PRR19: variants seen among roughly 807,000 people sequenced by gnomAD.
The protein encoded by PRR19 is proline-rich protein 19.
PRR19 carries 9 observed loss-of-function variants against 19.2 expected under a neutral mutation model. The ratio of observed to expected loss-of-function variants is 0.47; its 90% confidence interval spans 0.28 to 0.82. PRR19 has a LOEUF of 0.82. Ranked by LOEUF, PRR19 falls within the 40% of genes least tolerant of loss-of-function variation. PRR19 has a pLI of 0.11. For synonymous variants in PRR19, 190 were observed against 191.0 expected (o/e 0.99, Z 0.04); for missense variants, 457 against 466.0 (o/e 0.98, Z 0.18).
At chr19:42,308,549 C>G (rs2038742881) in intron 1 of PRR19, among the ~76,000 whole-genome samples, 1 of 151,948 alleles carries the variant, frequency 6.6e-6, no homozygotes, top group Non-Finnish European at 1.5e-5. Flanking sequence ...CAGGCGCGCA[C>G]CATCACATAC....
chr19:42,310,386 C>T lies in PRR19; in HGVS notation c.717C>T (p.Phe239=), dbSNP rs2038778007. The T allele has an allele frequency of 1.1e-5, 18 of 1,614,172 alleles. No individual in the cohort carries two copies. Among genetic ancestry groups the T allele is most frequent in the Middle Eastern group, 1.6e-4 (1 of 6,062 alleles). Reference sequence around the variant, plus strand: ...AACAAGGGACAAAGGAGTTCACCTTCCCCATGCCCTACACCTCCAGCATGC... The same window carrying T: ...AACAAGGGACAAAGGAGTTCACCTTTCCCATGCCCTACACCTCCAGCATGC... ...RKQQGTKEFT[F]PMPYTSSMPT... Residue 239 remains phenylalanine, a synonymous_variant, in exon 3 of 3, where the codon TTC becomes TTT. Coordinates refer to ENST00000341747, the MANE Select transcript of PRR19 (RefSeq NM_199285.3).
At chr19:42,303,338 C>T (rs756859046) in intron 1 of PRR19, 1 of 152,174 alleles carries the variant, frequency 6.6e-6, no homozygotes, top group Non-Finnish European at 1.5e-5. Context: ...TCTTGCAGAT[C>T]TGCAGCCTCT....
chr19:42,310,026 C>T lies in PRR19; in HGVS notation c.442C>T (p.Leu148=). The change falls in exon 2 of 3, where the codon CTG becomes TTG. Residue 148 remains leucine (L), a synonymous_variant. Transcript: ENST00000341747. ...AGAGTTGTCTGGCGTGGGGCAGCTG[C>T]TGGCAGAGCTGCAGTGTCAGCTGAG... is the stretch of plus-strand genomic sequence containing the variant. ...SPELSGVGQL[L]AELQCQLSLP... 6.2e-7 allele frequency: 1 copy of T among 1,614,056 alleles called. No homozygotes were observed.
At chr19:42,308,364 C>G (rs10403591) in intron 1 of PRR19, among the ~76,000 whole-genome samples, 4 of 148,268 alleles carry the variant, frequency 2.7e-5, no homozygotes, top group African/African-American at 1.0e-4. Flanking sequence ...GCAGCTGGGA[C>G]TACAGGTGTG....
rs563857838 is a variant in PRR19 at position 42,304,625 on chromosome 19, C to T, written c.-7+2122C>T. Among the ~76,000 whole-genome samples, 16 of 151,866 alleles carry T rather than the reference C, an allele frequency of 1.1e-4. No homozygotes were observed. In the East Asian group the frequency reaches 3.1e-3, roughly 30 times the overall value. On this transcript the variant is annotated intron_variant, in intron 1 of 2. Transcript: ENST00000341747. ...ATTAGCGGGGCGTGGTGGCAGGCGCCTGTTGTCCCAGCTACTTGGGAGGCT... is the reference window on the plus strand; with the variant it reads ...ATTAGCGGGGCGTGGTGGCAGGCGCTTGTTGTCCCAGCTACTTGGGAGGCT...
chr19:42,307,466 CGTT>C (rs2038722859), intron 1 of PRR19, among the ~76,000 whole-genome samples: 1 of 151,816 alleles, frequency 6.6e-6, no homozygotes, highest in Non-Finnish European at 1.5e-5. Flanking sequence ...GACAGAGTCT[CGTT>C]GTGTCCCCCA....
At position 42,307,358 on chromosome 19, in the gene PRR19, G is replaced by A. The variant is rs370925422; in HGVS notation, c.-6-2221G>A. On this transcript the variant is annotated intron_variant, in intron 1 of 2. Coordinates refer to ENST00000341747, the MANE Select transcript of PRR19 (RefSeq NM_199285.3). The stretch of plus-strand genomic sequence containing the variant: ...ACCTCGTCTACCCCTGGATTTCTCC[G>A]TCCAGAATCACTTTCTGGTCCCCCA... Among the ~76,000 whole-genome samples, 3 of 151,866 alleles carry A rather than the reference G, an allele frequency of 2.0e-5. No individual in the cohort carries two copies. In the East Asian group the frequency reaches 5.8e-4, roughly 29 times the overall value.
chr19:42,302,191 G>T lies in PRR19; in HGVS notation c.-319G>T. On this transcript the variant is annotated 5_prime_UTR_variant, in exon 1 of 3. Transcript: ENST00000341747. ...CAGCCGTTCTCCTGAGCCACCCCCCGCGCCCCCGGACTCCTCAATATCCCA... is the reference window on the plus strand; with the variant it reads ...CAGCCGTTCTCCTGAGCCACCCCCCTCGCCCCCGGACTCCTCAATATCCCA... The T allele has an allele frequency of 6.5e-7, 1 of 1,543,406 alleles. No homozygotes were observed.
At chr19:42,308,250 A>G (rs2038737215) in intron 1 of PRR19, among the ~76,000 whole-genome samples, 1 of 151,940 alleles carries the variant, frequency 6.6e-6, no homozygotes, top group African/African-American at 2.4e-5. Flanking sequence ...TTTAAGAGAC[A>G]AGGTCTCACT....
rs1165801586 is a variant in PRR19, at chr19:42,310,327, G to A, written c.658G>A (p.Asp220Asn). 1 of 1,614,086 alleles carries A rather than the reference G, an allele frequency of 6.2e-7. No individual in the cohort carries two copies. The highest frequency in any genetic ancestry group is 8.5e-7 in the Non-Finnish European group (1 of 1,179,998). ...KMTPFWINSP[D>N]QVPEQERQRK... is the part of the protein sequence containing the mutation. ...GACACCCTTCTGGATTAATAGCCCT[G>A]ATCAAGTCCCAGAGCAGGAGAGGCA... Residue 220 changes from aspartate to asparagine, a missense_variant, in exon 3 of 3, where the codon GAT becomes AAT. Transcript: ENST00000341747.
Position 42,309,821 on chromosome 19 carries a change from C to T in PRR19, c.237C>T (p.His79=), listed in dbSNP as rs765278544. 7.4e-6 allele frequency: 12 copies of T among 1,613,992 alleles called. No individual in the cohort carries two copies. Among genetic ancestry groups the T allele is most frequent in the Middle Eastern group, 1.6e-4 (1 of 6,084 alleles). ...LSREHRGLFN[H]EVKSLDVARL... is the part of the protein sequence containing the mutation. ...GGGAGCACCGGGGTCTCTTCAACCA[C>T]GAGGTGAAATCCCTAGATGTTGCAA... Residue 79 remains histidine (H), a synonymous_variant, in exon 2 of 3, where the codon CAC becomes CAT. Coordinates refer to ENST00000341747, the MANE Select transcript of PRR19 (RefSeq NM_199285.3).
rs747016880 is a variant in PRR19, at chr19:42,310,422, C to T, written c.753C>T (p.His251=). ...ACACCTCCAGCATGCCCACTGCGCA[C>T]AGGGGGAGTCTGGCACCGCCAAGAG... ...MPYTSSMPTA[H]RGSLAPPRGP... Residue 251 remains histidine, a synonymous_variant, in exon 3 of 3, where the codon CAC becomes CAT. Transcript: ENST00000341747. The T allele has an allele frequency of 1.9e-6, 3 of 1,614,114 alleles. No individual in the cohort carries two copies. The highest frequency in any genetic ancestry group is 1.7e-5 in the Admixed American group (1 of 60,012).
intron 1 of PRR19, among the ~76,000 whole-genome samples, chr19:42,306,693 C>T (rs1206835910): frequency 6.6e-6 from 1 of 152,192 alleles, no homozygotes; most frequent in East Asian, 1.9e-4. Context: ...CCCTTTGGCA[C>T]GCCTGGTCTC....
chr19:42,309,763 A>C lies in PRR19; in HGVS notation c.179A>C (p.Lys60Thr). Reference sequence around the variant, plus strand: ...CCACCTGTGGTCCCTACTGCCTCCAAGCTCGTGGTCATAACCCAGGGCCGG... The same window carrying C: ...CCACCTGTGGTCCCTACTGCCTCCACGCTCGTGGTCATAACCCAGGGCCGG... ...RDPPVVPTASKLVVITQGRLS... is the reference protein window; with the variant it reads ...RDPPVVPTASTLVVITQGRLS... The change falls in exon 2 of 3, where the codon AAG becomes ACG. Residue 60 changes from lysine (K) to threonine (T), a missense_variant. By Grantham distance (78) the Lys-to-Thr change is moderately conservative. Transcript: ENST00000341747. 6.2e-7 allele frequency: 1 copy of C among 1,610,900 alleles called. No individual in the cohort carries two copies. The highest frequency in any genetic ancestry group is 8.5e-7 in the Non-Finnish European group (1 of 1,177,630).
chr19:42,310,042 G>T lies in PRR19; in HGVS notation c.458G>T (p.Cys153Phe), dbSNP rs752161026. 5.0e-6 allele frequency: 8 copies of T among 1,613,930 alleles called. No homozygotes were observed. The Admixed American group carries it at 1.2e-4, about 24-fold the overall frequency. The change falls in exon 2 of 3, where the codon TGT (cysteine) becomes TTT (phenylalanine). Residue 153 changes from cysteine to phenylalanine, a missense_variant. Cys to Phe is a radical substitution (Grantham distance 205, BLOSUM62 -2). Transcript: ENST00000341747. Reference sequence around the variant, plus strand: ...GGGCAGCTGCTGGCAGAGCTGCAGTGTCAGCTGAGTTTGCCACAGGCCTTC... The same window carrying T: ...GGGCAGCTGCTGGCAGAGCTGCAGTTTCAGCTGAGTTTGCCACAGGCCTTC... Reference protein sequence around the residue: ...GVGQLLAELQCQLSLPQAFPR... With the variant: ...GVGQLLAELQFQLSLPQAFPR...
intron 1 of PRR19, among the ~76,000 whole-genome samples, chr19:42,305,208 CAAAAA>C: frequency 1.3e-5 from 2 of 150,616 alleles, no homozygotes; most frequent in South Asian, 4.2e-4. Flanking sequence ...AATTCCATCT[CAAAAA>C]GAAAAGGAAA....
intron 1 of PRR19, among the ~76,000 whole-genome samples, chr19:42,306,776 C>A (rs912985143): frequency 2.0e-5 from 3 of 152,202 alleles, no homozygotes; most frequent in Non-Finnish European, 4.4e-5. Context: ...ACCTAGTGAA[C>A]CTCACAGCCA....
At chr19:42,307,859 G>T (rs1317504735) in intron 1 of PRR19, among the ~76,000 whole-genome samples, 1 of 143,230 alleles carries the variant, frequency 7.0e-6, no homozygotes. Flanking sequence ...CTGGGTTCAC[G>T]CCATTCTCCT....
Position 42,310,344 on chromosome 19 carries a change from GGA to G in PRR19, c.679_680del (p.Arg227AlafsTer57). 6.2e-7 allele frequency: 1 copy of G among 1,614,132 alleles called. No homozygotes were observed. The highest frequency in any genetic ancestry group is 8.5e-7 in the Non-Finnish European group (1 of 1,179,998). ...ATAGCCCTGATCAAGTCCCAGAGCA[GGA>G]GAGGCAAAGGAAGCAACAAGGGACA... is the stretch of plus-strand genomic sequence containing the variant. ...INSPDQVPEQ[E>X]RQRKQQGTKE... On this transcript the variant is annotated frameshift_variant, in exon 3 of 3. Transcript: ENST00000341747. LOFTEE classifies it low-confidence loss of function (END_TRUNC).
Sources: allele counts gnomAD v4.1 joint callset (sites outside exome capture counted in the v4.1 genomes callset), GRCh38; gene constraint gnomAD v4.1.1; transcripts MANE v1.5; gene names NCBI Gene and HGNC (gene_info 2026-07-23, HGNC 2026-07-21).